The following LINGO2 variants were observed in gnomAD, a reference collection of about 807,000 sequenced individuals.
The protein encoded by LINGO2 is leucine-rich repeat and immunoglobulin-like domain-containing nogo receptor-interacting protein 2.
A neutral mutation model predicts 30.6 loss-of-function variants in LINGO2; 14 were observed. The ratio of observed to expected loss-of-function variants is 0.46; its 90% CI spans 0.30 to 0.72. The LOEUF (loss-of-function observed/expected upper bound fraction) is 0.72, where lower values mean the gene tolerates loss of function less well. LINGO2 is among the 30% of genes least tolerant of loss of function. The probability of loss-of-function intolerance (pLI) is 0.07; values close to 1 mark genes in which losing one functional copy is unlikely to be tolerated. For missense variants in LINGO2, 729 were observed against 751.7 expected (o/e 0.97, Z 0.35); for synonymous variants, 317 against 288.5 (o/e 1.10, Z -1.00).
chr9:29,042,117 T>A, the LINGO2 span, among the ~76,000 whole-genome samples: 1 of 151,940 alleles, frequency 6.6e-6, no homozygotes, highest in South Asian at 2.1e-4. Context: ...TCTATCAGAA[T>A]GACTAAAATA....
chr9:28,203,171 C>T (rs1820295379), intron 4 of LINGO2, among the ~76,000 whole-genome samples: 2 of 152,124 alleles, frequency 1.3e-5, no homozygotes, highest in African/African-American at 4.8e-5. Flanking sequence ...ATTAAGTGTT[C>T]ACCGAAAAGA....
At chr9:29,076,243 C>T in the LINGO2 span, among the ~76,000 whole-genome samples, 14 of 151,988 alleles carry the variant, frequency 9.2e-5, no homozygotes, top group Non-Finnish European at 1.9e-4. Flanking sequence ...AAGTATATTT[C>T]ATTACAAAGC....
intron 5 of LINGO2, among the ~76,000 whole-genome samples, chr9:28,008,640 ATT>A (rs1166329170): frequency 6.6e-6 from 1 of 152,196 alleles, no homozygotes; most frequent in African/African-American, 2.4e-5. Context: ...TACTGAATGT[ATT>A]TGACAATCTG....
chr9:28,312,714 A>G (rs895799865), intron 3 of LINGO2, among the ~76,000 whole-genome samples: 2 of 152,146 alleles, frequency 1.3e-5, no homozygotes, highest in Non-Finnish European at 2.9e-5. Flanking sequence ...GAAAATTTTA[A>G]TAGTTTTATT....
intron 4 of LINGO2, among the ~76,000 whole-genome samples, chr9:28,287,184 ACTT>A (rs1294101295): frequency 6.6e-6 from 1 of 152,198 alleles, no homozygotes; most frequent in East Asian, 1.9e-4. Flanking sequence ...ACATAAGAGA[ACTT>A]CTCTGAAAAT....
At chr9:28,442,936 T>C (rs1824257638) in intron 2 of LINGO2, among the ~76,000 whole-genome samples, 1 of 151,582 alleles carries the variant, frequency 6.6e-6, no homozygotes, top group Non-Finnish European at 1.5e-5. Flanking sequence ...GTATATATTT[T>C]CCATATACTC....
chr9:28,857,367 G>A, the LINGO2 span, among the ~76,000 whole-genome samples: 1 of 152,098 alleles, frequency 6.6e-6, no homozygotes, highest in South Asian at 2.1e-4. Context: ...TTTAGCCCTT[G>A]TTTTATATGA....
At chr9:28,474,865 GA>G (rs1159977817) in intron 2 of LINGO2, among the ~76,000 whole-genome samples, 2 of 152,114 alleles carry the variant, frequency 1.3e-5, no homozygotes, top group Non-Finnish European at 2.9e-5. Context: ...GAGAAAGTAT[GA>G]AAAATGTTAT....
the LINGO2 span, among the ~76,000 whole-genome samples, chr9:29,121,980 A>G: frequency 6.6e-6 from 1 of 152,116 alleles, no homozygotes; most frequent in Non-Finnish European, 1.5e-5. Context: ...AATACGAAGT[A>G]AGTATCAGAA....
At chr9:28,875,283 C>T in the LINGO2 span, among the ~76,000 whole-genome samples, 2 of 151,998 alleles carry the variant, frequency 1.3e-5, no homozygotes, top group African/African-American at 2.4e-5. Flanking sequence ...ATCTCTTTTT[C>T]TCTCTTTCTG....
At chr9:28,350,918 G>A (rs890325420) in intron 3 of LINGO2, among the ~76,000 whole-genome samples, 1 of 151,996 alleles carries the variant, frequency 6.6e-6, no homozygotes, top group Non-Finnish European at 1.5e-5. Flanking sequence ...ATAATGAAAT[G>A]AAGGCAGAAA....
intron 5 of LINGO2, among the ~76,000 whole-genome samples, chr9:27,952,676 G>GA (rs1232501878): frequency 2.6e-5 from 4 of 152,012 alleles, no homozygotes; most frequent in African/African-American, 9.6e-5. Context: ...AAATCAGTGA[G>GA]AAAAATACAA....
At chr9:29,044,553 A>G in the LINGO2 span, among the ~76,000 whole-genome samples, 1 of 152,056 alleles carries the variant, frequency 6.6e-6, no homozygotes, top group Non-Finnish European at 1.5e-5. Flanking sequence ...TCACAAAACA[A>G]TACATGCATT....
At position 28,148,783 on chromosome 9, in the gene LINGO2, T is replaced by C; in HGVS notation, c.-86-136378A>G. On this transcript the variant is annotated intron_variant, in intron 4 of 5. Coordinates refer to ENST00000379992, the Ensembl canonical transcript of LINGO2. The surrounding 1 kb of genome is among the most constrained non-coding windows in gnomAD (Gnocchi z 5.1). The stretch of plus-strand genomic sequence containing the variant: ...TTCCAACAGTGCTCCCTGCCCCAGT[T>C]CCAGGCTGCTCCCTGTGGCCAGAGA... 6.5e-7 allele frequency: 1 copy of C among 1,533,988 alleles called. No individual in the cohort carries two copies. Among genetic ancestry groups the C allele is most frequent in the Non-Finnish European group, 8.7e-7 (1 of 1,146,610 alleles).
At chr9:28,867,842 T>C in the LINGO2 span, among the ~76,000 whole-genome samples, 149,881 of 152,228 alleles carry the variant, frequency 0.98, 73,828 homozygotes, top group Middle Eastern at 1. Context: ...GTGAAATATA[T>C]AGAGAAAAGA....
the LINGO2 span, among the ~76,000 whole-genome samples, chr9:28,678,133 C>T: frequency 4.6e-5 from 6 of 129,264 alleles, no homozygotes; most frequent in African/African-American, 1.4e-4. Flanking sequence ...TCCTGTTGTG[C>T]TTTGAATATT....
intron 1 of LINGO2, among the ~76,000 whole-genome samples, chr9:28,487,085 T>A (rs1251944234): frequency 6.6e-6 from 1 of 152,076 alleles, no homozygotes; most frequent in Non-Finnish European, 1.5e-5. Context: ...TCTGCTTGGA[T>A]GGAAGAAAGC....
chr9:28,787,998 T>G, the LINGO2 span, among the ~76,000 whole-genome samples: 1 of 152,132 alleles, frequency 6.6e-6, no homozygotes, highest in African/African-American at 2.4e-5. Flanking sequence ...CTCAGGTAAA[T>G]TATGTGAACT....
intron 1 of LINGO2, among the ~76,000 whole-genome samples, chr9:28,577,310 T>G (rs1824037503): frequency 6.6e-6 from 1 of 152,086 alleles, no homozygotes; most frequent in African/African-American, 2.4e-5. Context: ...TTTTCAGACT[T>G]TTGCATTTCT....
Sources: allele counts gnomAD v4.1 joint callset (sites outside exome capture counted in the v4.1 genomes callset), GRCh38; gene constraint gnomAD v4.1.1; non-coding constraint Gnocchi (gnomAD v3.1); transcripts MANE v1.5; gene names NCBI Gene and HGNC (gene_info 2026-07-23, HGNC 2026-07-21).